The following CD1B variants were observed in gnomAD, a reference collection of about 807,000 sequenced individuals.
The protein encoded by CD1B is T-cell surface glycoprotein CD1b.
In CD1B, 43 loss-of-function variants were observed where a neutral mutation model predicts 39.8. The observed-to-expected ratio is 1.08, with a 90% CI of 0.85 to 1.39. The LOEUF is 1.39. CD1B is among the 40% of genes most tolerant of loss of function. The pLI is 0.00. For missense variants in CD1B, 495 were observed against 403.8 expected, an observed-to-expected ratio of 1.23 and a Z score of -1.94; for synonymous variants, 192 against 152.5, an observed-to-expected ratio of 1.26 and a Z score of -1.91.
At chr1:158,315,907 A>G in the CD1B span, among the ~76,000 whole-genome samples, 1 of 152,050 alleles carries the variant, frequency 6.6e-6, no homozygotes, top group Non-Finnish European at 1.5e-5. Flanking sequence ...CCATTTATTA[A>G]ATGGGGAATC....
the CD1B span, chr1:158,292,031 G>A: frequency 1.3e-6 from 2 of 1,549,918 alleles, no homozygotes; most frequent in South Asian, 1.2e-5. Flanking sequence ...TTTTTATACT[G>A]TTGTTTTCAC....
chr1:158,310,004 C>T, the CD1B span, among the ~76,000 whole-genome samples: 7 of 149,028 alleles, frequency 4.7e-5, no homozygotes, highest in Non-Finnish European at 1.0e-4. Context: ...AGAGTCTGAA[C>T]ACCCAAAGCA....
the CD1B span, chr1:158,292,400 C>G: frequency 6.3e-7 from 1 of 1,589,942 alleles, no homozygotes; most frequent in Non-Finnish European, 8.6e-7. Flanking sequence ...TAAGATTTTT[C>G]TATTCAAGTA....
chr1:158,301,245 A>G, the CD1B span, among the ~76,000 whole-genome samples: 2 of 151,922 alleles, frequency 1.3e-5, no homozygotes, highest in Admixed American at 6.6e-5. Flanking sequence ...TCTTTATCCA[A>G]TTTGTCAGTC....
chr1:158,299,892 T>C, the CD1B span, among the ~76,000 whole-genome samples: 2 of 152,330 alleles, frequency 1.3e-5, no homozygotes, highest in South Asian at 2.1e-4. Context: ...TCTTTATTAG[T>C]CTTGCTAGTG....
At chr1:158,323,740 T>C (rs546891770), downstream of CD1B, among the ~76,000 whole-genome samples, 11 of 152,288 alleles carry the variant, frequency 7.2e-5, no homozygotes, top group South Asian at 2.3e-3. Flanking sequence ...GTGAGTCTCA[T>C]GAGGGCTGTC....
At chr1:158,298,147 G>T in the CD1B span, among the ~76,000 whole-genome samples, 1 of 152,076 alleles carries the variant, frequency 6.6e-6, no homozygotes, top group Non-Finnish European at 1.5e-5. Context: ...AAAGGACATA[G>T]AAAAACATTA....
At position 158,330,047 on chromosome 1, in the gene CD1B, C is replaced by G; in HGVS notation, c.412G>C (p.Gly138Arg). 6.2e-7 allele frequency: 1 copy of G among 1,614,002 alleles called. No individual in the cohort carries two copies. Among genetic ancestry groups the G allele is most frequent in the East Asian group, 2.2e-5 (1 of 44,870 alleles). ...IVSFLRGALG[G>R]LDFLSVKNAS... ...TTCTTGACACTCAGGAAATCCAATC[C>G]TCCTAGAGCTCCCCTCAGGAAGCTT... The change falls in exon 3 of 6, where the codon GGA (glycine) becomes CGA (arginine). Residue 138 changes from glycine (G) to arginine (R), a missense_variant. Coordinates refer to ENST00000368168, the MANE Select transcript of CD1B (RefSeq NM_001764.3).
At chr1:158,309,655 A>C in the CD1B span, among the ~76,000 whole-genome samples, 4 of 152,174 alleles carry the variant, frequency 2.6e-5, no homozygotes, top group Non-Finnish European at 5.9e-5. Flanking sequence ...GCAGCCATAA[A>C]AAATGATGAG....
chr1:158,304,204 T>A, the CD1B span, among the ~76,000 whole-genome samples: 3 of 151,950 alleles, frequency 2.0e-5, no homozygotes, highest in Admixed American at 1.3e-4. Context: ...AAGAAAGGGG[T>A]GACAGATAGC....
the CD1B span, among the ~76,000 whole-genome samples, chr1:158,294,977 C>T: frequency 6.6e-6 from 1 of 152,078 alleles, no homozygotes; most frequent in African/African-American, 2.4e-5. Context: ...GCTTCCATTG[C>T]TCATTTCCTT....
the CD1B span, among the ~76,000 whole-genome samples, chr1:158,304,429 A>G: frequency 2.6e-4 from 40 of 152,280 alleles, no homozygotes; most frequent in Non-Finnish European, 7.4e-5. Context: ...GAGTAGGTAA[A>G]CAAAGGCCAG....
Position 158,331,055 on chromosome 1 carries a change from C to A in CD1B, c.69G>T (p.Gln23His). ...GGATAACATGAAAGGAGGTCGGCCC[C>A]TGGAAGGCTGTGAAGAGTGGAAAAG... Reference protein sequence around the residue: ...FPGGNSEHAFQGPTSFHVIQT... With the variant: ...FPGGNSEHAFHGPTSFHVIQT... The change falls in exon 2 of 6, where the codon CAG becomes CAT. Residue 23 changes from glutamine to histidine, a missense_variant. By Grantham distance (24) the Gln-to-His change is conservative. Coordinates refer to ENST00000368168, the MANE Select transcript of CD1B (RefSeq NM_001764.3). 1 of 1,610,056 alleles carries A rather than the reference C, an allele frequency of 6.2e-7. No individual in the cohort carries two copies. Among genetic ancestry groups the A allele is most frequent in the Non-Finnish European group, 8.5e-7 (1 of 1,178,500 alleles).
Position 158,330,026 on chromosome 1 carries a change from T to G in CD1B, c.433A>C (p.Lys145Gln). ...GGGGAAGGCACACATGAAGCATTCT[T>G]GACACTCAGGAAATCCAATCCTCCT... ...ALGGLDFLSV[K>Q]NASCVPSPEG... is the part of the protein sequence containing the mutation. Residue 145 changes from lysine to glutamine, a missense_variant, in exon 3 of 6, where the codon AAG becomes CAG. By Grantham distance (53) the Lys-to-Gln change is moderately conservative. Transcript: ENST00000368168. The G allele has an allele frequency of 6.2e-7, 1 of 1,614,094 alleles. No homozygotes were observed. Among genetic ancestry groups the G allele is most frequent in the Non-Finnish European group, 8.5e-7 (1 of 1,180,000 alleles).
chr1:158,292,654 G>T, the CD1B span: 1 of 1,613,698 alleles, frequency 6.2e-7, no homozygotes, highest in East Asian at 2.2e-5. Context: ...AGCTGTTGCT[G>T]GTTTGTCATG....
downstream of CD1B, among the ~76,000 whole-genome samples, chr1:158,326,129 C>T (rs781186707): frequency 4.6e-5 from 7 of 152,092 alleles, no homozygotes; most frequent in Non-Finnish European, 8.8e-5. Flanking sequence ...CACCATCATG[C>T]CCGGCTAATT....
the CD1B span, chr1:158,291,431 C>A: frequency 5.0e-6 from 8 of 1,600,770 alleles, no homozygotes; most frequent in South Asian, 1.1e-5. Context: ...TATGGGAGTT[C>A]TTTAGAATGT....
At chr1:158,326,564 A>G (rs1049242472), downstream of CD1B, among the ~76,000 whole-genome samples, 3 of 152,158 alleles carry the variant, frequency 2.0e-5, no homozygotes, top group Non-Finnish European at 4.4e-5. Flanking sequence ...CTGAACAACT[A>G]TATATTTAAT....
chr1:158,324,610 A>G (rs140524544), downstream of CD1B, among the ~76,000 whole-genome samples: 10 of 152,294 alleles, frequency 6.6e-5, no homozygotes, highest in Non-Finnish European at 1.2e-4. Context: ...GTGAAAGTGT[A>G]AATATGAGCT....
Sources: allele counts gnomAD v4.1 joint callset (sites outside exome capture counted in the v4.1 genomes callset), GRCh38; gene constraint gnomAD v4.1.1; transcripts MANE v1.5; gene names NCBI Gene and HGNC (gene_info 2026-07-23, HGNC 2026-07-21).